The following THRAP3 variants were observed in gnomAD, a reference collection of about 807,000 sequenced individuals.
THRAP3 encodes the protein thyroid hormone receptor-associated protein 3.
In THRAP3, 16 loss-of-function variants were observed where a neutral mutation model predicts 101.0. That is an observed-to-expected ratio of 0.16 (90% CI 0.11 to 0.24). The LOEUF is 0.24. Ranked by LOEUF, THRAP3 falls within the 10% of genes least tolerant of loss-of-function variation. THRAP3 has a pLI of 1.00. For missense variants in THRAP3, 989 were observed against 1,202.7 expected, an observed-to-expected ratio of 0.82 and a Z score of 2.63; for synonymous variants, 407 against 422.6, an observed-to-expected ratio of 0.96 and a Z score of 0.45.
At chr1:36,250,161 T>G (rs914132724) in intron 1 of THRAP3, among the ~76,000 whole-genome samples, 3 of 152,104 alleles carry the variant, frequency 2.0e-5, no homozygotes, top group African/African-American at 7.2e-5. Context: ...AAATTAATAA[T>G]TTTTTACTGA....
chr1:36,245,912 A>G (rs1645225188), intron 1 of THRAP3, among the ~76,000 whole-genome samples: 2 of 152,218 alleles, frequency 1.3e-5, no homozygotes, highest in Non-Finnish European at 2.9e-5. Flanking sequence ...ATTATAGTAC[A>G]TCTGATAATA....
intron 1 of THRAP3, among the ~76,000 whole-genome samples, chr1:36,253,766 T>TTTTTA: frequency 7.0e-6 from 1 of 143,454 alleles, no homozygotes; most frequent in African/African-American, 2.6e-5. Context: ...GCTAATTTTT[T>TTTTTA]TTTTTTTTTT....
At chr1:36,215,716 T>C in the THRAP3 span, among the ~76,000 whole-genome samples, 1 of 152,160 alleles carries the variant, frequency 6.6e-6, no homozygotes, top group Non-Finnish European at 1.5e-5. Flanking sequence ...AACTTTGAAT[T>C]TCATATACTT....
chr1:36,269,933 C>T (rs1645566876), intron 2 of THRAP3, among the ~76,000 whole-genome samples: 1 of 152,070 alleles, frequency 6.6e-6, no homozygotes, highest in Non-Finnish European at 1.5e-5. Flanking sequence ...ACAAAAGGAG[C>T]TGCAGAAACT....
At chr1:36,210,365 CAAA>C in the THRAP3 span, among the ~76,000 whole-genome samples, 3 of 49,596 alleles carry the variant, frequency 6.0e-5, no homozygotes, top group Non-Finnish European at 8.1e-5. Context: ...GACTCCATCT[CAAA>C]AAAAAAAAAA....
chr1:36,260,679 G>T (rs1054403203), intron 2 of THRAP3, among the ~76,000 whole-genome samples: 2 of 151,816 alleles, frequency 1.3e-5, no homozygotes, highest in African/African-American at 4.8e-5. Context: ...AAAATTAGCC[G>T]GGCGTGGTGG....
chr1:36,303,873 G>A lies in THRAP3; in HGVS notation c.2724G>A (p.Arg908=), dbSNP rs1646061237. ...GCCGAGGAGCCTTTCCTCGGGGTCG[G>A]GGCCGGTTCATGTTCCGGAAATCAA... The part of the protein sequence containing the change: ...GRGRGAFPRG[R]GRFMFRKSST... Residue 908 remains arginine, a synonymous_variant, in exon 12 of 12, where the codon CGG becomes CGA. Coordinates refer to ENST00000354618, the MANE Select transcript of THRAP3 (RefSeq NM_005119.4). 2 of 1,614,012 alleles carry A rather than the reference G, an allele frequency of 1.2e-6. No individual in the cohort carries two copies. Among genetic ancestry groups the A allele is most frequent in the East Asian group, 4.5e-5 (2 of 44,878 alleles).
intron 2 of THRAP3, among the ~76,000 whole-genome samples, chr1:36,274,072 TGTGTCACACA>T (rs1485420368): frequency 4.6e-5 from 1 of 21,508 alleles, no homozygotes; most frequent in African/African-American, 1.3e-4. Flanking sequence ...TGTGTGTGTG[TGTGTCACACA>T]CACACACACA....
In THRAP3 at chr1:36,239,617, T is replaced by C. The variant is rs868080201; in HGVS notation, c.-135+15112T>C. Among the ~76,000 whole-genome samples the C allele has an allele frequency of 1.2e-4, 18 of 152,308 alleles. No homozygotes were observed. The Middle Eastern group carries it at 0.014, about 115-fold the overall frequency. ...CCTGTAAGGCCTTTGTTTCCCTGGT[T>C]CTGGGTAGGTTAATCACTCTGTATC... On this transcript the variant is annotated intron_variant, in intron 1 of 11. Coordinates refer to ENST00000354618, the MANE Select transcript of THRAP3 (RefSeq NM_005119.4).
chr1:36,233,171 G>A (rs1645048408), intron 1 of THRAP3, among the ~76,000 whole-genome samples: 1 of 149,590 alleles, frequency 6.7e-6, no homozygotes, highest in Non-Finnish European at 1.5e-5. Context: ...CCTGGCCATC[G>A]AACTGTATTC....
chr1:36,296,520 TG>T, intron 8 of THRAP3, 62 bp from the exon 9 acceptor site: 1 of 1,390,184 alleles, frequency 7.2e-7, no homozygotes, highest in Non-Finnish European at 9.7e-7. Flanking sequence ...CCACAGTTTG[TG>T]GGATGGTTGA....
intron 1 of THRAP3, among the ~76,000 whole-genome samples, chr1:36,236,402 C>G (rs1479734625): frequency 6.6e-6 from 1 of 152,182 alleles, no homozygotes; most frequent in East Asian, 1.9e-4. Context: ...TCAGAAAGTT[C>G]TAGTAGAGAG....
intron 1 of THRAP3, among the ~76,000 whole-genome samples, chr1:36,254,352 A>T (rs1645346781): frequency 6.6e-6 from 1 of 152,184 alleles, no homozygotes; most frequent in East Asian, 1.9e-4. Context: ...CTGTGGTGTC[A>T]TTTCATAATA....
the THRAP3 span, among the ~76,000 whole-genome samples, chr1:36,213,943 GA>G: frequency 8.4e-6 from 1 of 118,706 alleles, no homozygotes; most frequent in African/African-American, 3.8e-5. Context: ...AAGAAAGAAA[GA>G]AAGAAAGAAA....
intron 1 of THRAP3, among the ~76,000 whole-genome samples, chr1:36,252,534 A>G (rs1645315414): frequency 1.3e-5 from 2 of 152,190 alleles, no homozygotes; most frequent in Admixed American, 1.3e-4. Flanking sequence ...TTTGCTGGCC[A>G]AGAGGCAAAG....
At position 36,303,992 on chromosome 1, in the gene THRAP3, A is replaced by G; in HGVS notation, c.2843A>G (p.Asp948Gly). 6.3e-7 allele frequency: 1 copy of G among 1,588,684 alleles called. No homozygotes were observed. Residue 948 changes from aspartate (D) to glycine (G), a missense_variant, in exon 12 of 12, where the codon GAC (aspartate) becomes GGC (glycine). Asp to Gly is a moderately conservative substitution (Grantham distance 94, BLOSUM62 -1). Transcript: ENST00000354618. ...GGGACAGAGAACCGAGAAGAGAAGG[A>G]CAATATACAGCCCACAACCGAGTAG... ...ESGTENREEK[D>G]NIQPTTE
At chr1:36,219,314 A>G in the THRAP3 span, among the ~76,000 whole-genome samples, 2,130 of 152,352 alleles carry the variant, frequency 0.014, 54 homozygotes, top group African/African-American at 0.047. Flanking sequence ...CCGTTACATA[A>G]AAGTACTAGG....
intron 2 of THRAP3, among the ~76,000 whole-genome samples, chr1:36,269,930 G>T (rs912810361): frequency 3.0e-4 from 45 of 152,118 alleles, no homozygotes; most frequent in African/African-American, 9.9e-4. Flanking sequence ...TACACAAAAG[G>T]AGCTGCAGAA....
At chr1:36,219,130 T>C in the THRAP3 span, among the ~76,000 whole-genome samples, 2 of 151,666 alleles carry the variant, frequency 1.3e-5, no homozygotes, top group Non-Finnish European at 2.9e-5. Flanking sequence ...AGAGTTTTAG[T>C]GACCTACAAA....
Sources: gnomAD v4.1 joint callset for allele counts (sites outside exome capture counted in the v4.1 genomes callset) on GRCh38, gnomAD v4.1.1 for gene constraint, MANE v1.5 for transcripts, NCBI Gene and HGNC (gene_info 2026-07-23, HGNC 2026-07-21) for gene names.